PCDH15: variants seen among roughly 807,000 people sequenced by gnomAD.
PCDH15 encodes the protein protocadherin related 15.
In PCDH15, 129 loss-of-function variants were observed where a neutral mutation model predicts 178.5. The observed-to-expected ratio is 0.72, with a 90% confidence interval of 0.63 to 0.84. The LOEUF (loss-of-function observed/expected upper bound fraction) is 0.84, where lower values mean the gene tolerates loss of function less well. Among genes scored for constraint, PCDH15 ranks in the 40% least tolerant of loss-of-function variants. PCDH15 has a pLI of 0.00. For synonymous variants in PCDH15, 800 were observed against 732.0 expected, an observed-to-expected ratio of 1.09 and a Z score of -1.50; for missense variants, 2,230 against 2,099.9, an observed-to-expected ratio of 1.06 and a Z score of -1.21.
At chr10:53,869,075 T>C (rs1170712385) in intron 26 of PCDH15, among the ~76,000 whole-genome samples, 3 of 152,186 alleles carry the variant, frequency 2.0e-5, no homozygotes, top group Admixed American at 2.0e-4. Context: ...ACCAAAGTGC[T>C]GGGATTACAG....
chr10:53,961,315 G>A (rs944691247), intron 22 of PCDH15, among the ~76,000 whole-genome samples: 1 of 151,770 alleles, frequency 6.6e-6, no homozygotes, highest in African/African-American at 2.4e-5. Flanking sequence ...AACAAAAAAT[G>A]GAAAGTCTAA....
chr10:54,431,011 A>G (rs1270332018), intron 3 of PCDH15, among the ~76,000 whole-genome samples: 1 of 152,134 alleles, frequency 6.6e-6, no homozygotes, highest in African/African-American at 2.4e-5. Context: ...GAAAATCTAG[A>G]GGAAATGGAT....
intron 3 of PCDH15, among the ~76,000 whole-genome samples, chr10:54,386,617 G>A (rs1819727): frequency 0.71 from 108,566 of 151,966 alleles, 41,531 homozygotes; most frequent in East Asian, 0.96. Flanking sequence ...GAAATCCAAC[G>A]AAAAACAAAT....
chr10:53,998,183 C>T (rs973741529), intron 20 of PCDH15, among the ~76,000 whole-genome samples: 1 of 152,088 alleles, frequency 6.6e-6, no homozygotes, highest in Non-Finnish European at 1.5e-5. Context: ...AGAAATATTT[C>T]CTCCTCTGTA....
chr10:55,495,683 T>C (rs1840517358), intron 2 of PCDH15, among the ~76,000 whole-genome samples: 1 of 151,852 alleles, frequency 6.6e-6, no homozygotes, highest in African/African-American at 2.4e-5. Flanking sequence ...AACAAATTTT[T>C]CACTTTCTCA....
intron 1 of PCDH15, among the ~76,000 whole-genome samples, chr10:55,305,504 G>T (rs890555900): frequency 2.0e-5 from 3 of 152,190 alleles, no homozygotes; most frequent in Admixed American, 2.0e-4. Context: ...TGTCCCTCAT[G>T]GCACAGAGCT....
At chr10:54,490,184 C>T (rs1383595191) in intron 3 of PCDH15, among the ~76,000 whole-genome samples, 1 of 152,188 alleles carries the variant, frequency 6.6e-6, no homozygotes, top group Non-Finnish European at 1.5e-5. Context: ...AGCATGGTGG[C>T]TCATGCCTAT....
intron 2 of PCDH15, among the ~76,000 whole-genome samples, chr10:55,451,435 T>A (rs894306326): frequency 1.3e-5 from 2 of 151,604 alleles, no homozygotes; most frequent in Non-Finnish European, 2.9e-5. Context: ...GAGGTGGAGG[T>A]TGCAGTGAGC....
chr10:55,507,871 T>A (rs746262651), intron 2 of PCDH15, among the ~76,000 whole-genome samples: 1 of 151,604 alleles, frequency 6.6e-6, no homozygotes, highest in Non-Finnish European at 1.5e-5. Context: ...ATTTAAGAGA[T>A]CCAAATTAAA....
intron 2 of PCDH15, among the ~76,000 whole-genome samples, chr10:55,397,730 C>T (rs896822047): frequency 6.6e-6 from 1 of 151,968 alleles, no homozygotes; most frequent in South Asian, 2.1e-4. Context: ...GGATAACAGG[C>T]GTGTGCCACC....
chr10:54,626,552 C>A (rs550826376), intron 2 of PCDH15, among the ~76,000 whole-genome samples: 3 of 152,176 alleles, frequency 2.0e-5, no homozygotes, highest in African/African-American at 7.2e-5. Flanking sequence ...GTTGAGCCTG[C>A]AAGTGTACAG....
chr10:54,635,628 G>A (rs1407947897), intron 2 of PCDH15, among the ~76,000 whole-genome samples: 1 of 151,678 alleles, frequency 6.6e-6, no homozygotes, highest in African/African-American at 2.4e-5. Context: ...AGTTAGGATA[G>A]GCAATAATGT....
intron 1 of PCDH15, among the ~76,000 whole-genome samples, chr10:54,681,732 G>A (rs2094903582): frequency 1.3e-5 from 2 of 152,146 alleles, no homozygotes; most frequent in African/African-American, 4.8e-5. Flanking sequence ...CAAATGCGGA[G>A]ATAGGAAGAC....
chr10:54,513,148 T>C (rs948567979), intron 3 of PCDH15, among the ~76,000 whole-genome samples: 1 of 152,052 alleles, frequency 6.6e-6, no homozygotes, highest in Non-Finnish European at 1.5e-5. Flanking sequence ...GTATATTTTA[T>C]ACTTTAATTT....
intron 2 of PCDH15, among the ~76,000 whole-genome samples, chr10:55,052,292 G>A (rs1841182099): frequency 6.8e-6 from 1 of 148,110 alleles, no homozygotes; most frequent in African/African-American, 2.5e-5. Context: ...GGATTTCACC[G>A]TGTTAGCCAG....
intron 1 of PCDH15, among the ~76,000 whole-genome samples, chr10:55,294,570 AT>A (rs1459303042): frequency 6.6e-6 from 1 of 152,082 alleles, no homozygotes; most frequent in Non-Finnish European, 1.5e-5. Flanking sequence ...GAAATGTATT[AT>A]TTTTGTTATT....
intron 15 of PCDH15, among the ~76,000 whole-genome samples, chr10:54,096,073 T>C (rs2094693541): frequency 6.6e-6 from 1 of 152,138 alleles, no homozygotes; most frequent in South Asian, 2.1e-4. Context: ...CATAATAAAA[T>C]CTTAAGCTTA....
intron 27 of PCDH15, among the ~76,000 whole-genome samples, chr10:53,859,159 C>T (rs904519457): frequency 6.6e-6 from 1 of 152,046 alleles, no homozygotes; most frequent in Admixed American, 6.6e-5. Flanking sequence ...ATCACTAGGC[C>T]TCATTCTCTG....
intron 1 of PCDH15, among the ~76,000 whole-genome samples, chr10:54,760,514 A>G (rs74136272): frequency 0.05 from 7,559 of 152,216 alleles, 648 homozygotes; most frequent in African/African-American, 0.17. Context: ...AAATTAACTC[A>G]AATCTGAGTG....
Sources: gnomAD v4.1 joint callset for allele counts (sites outside exome capture counted in the v4.1 genomes callset) on GRCh38, gnomAD v4.1.1 for gene constraint, MANE v1.5 for transcripts, NCBI Gene and HGNC (gene_info 2026-07-23, HGNC 2026-07-21) for gene names.